Variants in SEMA6A observed in about 807,000 individuals in gnomAD.
SEMA6A encodes the protein semaphorin-6A.
SEMA6A carries 25 observed loss-of-function variants against 96.8 expected under a neutral mutation model. The observed-to-expected ratio is 0.26, with a 90% CI of 0.19 to 0.36. The LOEUF is 0.36. Ranked by LOEUF, SEMA6A falls within the 10% of genes least tolerant of loss-of-function variation. The pLI is 1.00. For missense variants in SEMA6A, 1,363 were observed against 1,323.1 expected (o/e 1.03, Z -0.47); for synonymous variants, 612 against 518.0 (o/e 1.18, Z -2.46).
chr5:116,494,367 ATTAAT>A (rs1561495379), intron 6 of SEMA6A, among the ~76,000 whole-genome samples: 1 of 149,042 alleles, frequency 6.7e-6, no homozygotes, highest in East Asian at 2.1e-4. Context: ...CTTTACAAAA[ATTAAT>A]TAAACGCCTG....
intron 1 of SEMA6A, among the ~76,000 whole-genome samples, chr5:116,567,161 A>G (rs1403032584): frequency 6.6e-6 from 1 of 152,038 alleles, no homozygotes; most frequent in Non-Finnish European, 1.5e-5. Context: ...TATTTTTTAT[A>G]TATAGTGGTT....
At position 116,573,086 on chromosome 5, in the gene SEMA6A, C is replaced by T. The variant is rs114114861; in HGVS notation, c.-39+1099G>A. ...CAGGATCCTGTTTTGCACCATCTCC[C>T]ACAGCGAGGAGCTGAGCAAAACGCG... On this transcript the variant is annotated intron_variant, in intron 1 of 18. Coordinates refer to ENST00000343348, the MANE Select transcript of SEMA6A (RefSeq NM_020796.5). Among the ~76,000 whole-genome samples the T allele has an allele frequency of 7.6e-3, 1,161 of 152,220 alleles. 20 individuals are homozygous for T. The highest frequency in any genetic ancestry group is 0.027 in the African/African-American group (1,107 of 41,518).
intron 10 of SEMA6A, among the ~76,000 whole-genome samples, chr5:116,485,084 G>C (rs1195109149): frequency 6.6e-6 from 1 of 152,198 alleles, no homozygotes; most frequent in Admixed American, 6.5e-5. Flanking sequence ...ATAATTTATA[G>C]ATGACAATGG....
chr5:116,542,861 G>C (rs1325464237), intron 1 of SEMA6A, among the ~76,000 whole-genome samples: 1 of 152,118 alleles, frequency 6.6e-6, no homozygotes. Context: ...CCCCGGCCTG[G>C]CAATCACTTC....
At position 116,486,793 on chromosome 5, in the gene SEMA6A, G is replaced by A. The variant is rs201133760; in HGVS notation, c.918C>T (p.Asn306=). Residue 306 remains asparagine (N), a synonymous_variant, in exon 10 of 19, where the codon AAC becomes AAT. Coordinates refer to ENST00000343348, the MANE Select transcript of SEMA6A (RefSeq NM_020796.5). ...LQAVTDVIRI[N]GRDVVLATFS... is the part of the protein sequence containing the mutation. ...ACGTTGCCAGGACAACATCACGCCC[G>A]TTGATACGAATCACATCTGTAACTG... 2.2e-4 allele frequency: 355 copies of A among 1,613,808 alleles called. No homozygotes were observed. The highest frequency in any genetic ancestry group is 1.8e-3 in the Admixed American group (108 of 60,002).
chr5:116,486,935 T>G lies in SEMA6A; in HGVS notation c.776A>C (p.Lys259Thr). 1 of 1,613,778 alleles carries G rather than the reference T, an allele frequency of 6.2e-7. No homozygotes were observed. ...TCTTTGAGATCCTCCCATATCATTC[T>G]TACAAACCTGAGCCACTCTTGGGAA... ...VVFPRVAQVC[K>T]NDMGGSQRVL... is the part of the protein sequence containing the mutation. Residue 259 changes from lysine (K) to threonine (T), a missense_variant, in exon 10 of 19, where the codon AAG (lysine) becomes ACG (threonine). Lys to Thr is a moderately conservative substitution (Grantham distance 78). Coordinates refer to ENST00000343348, the MANE Select transcript of SEMA6A (RefSeq NM_020796.5).
intron 1 of SEMA6A, among the ~76,000 whole-genome samples, chr5:116,523,402 C>A (rs1044286430): frequency 1.2e-4 from 19 of 152,144 alleles, no homozygotes; most frequent in African/African-American, 4.1e-4. Flanking sequence ...CAACCTCCAC[C>A]TCTCGGGTTC....
At chr5:116,514,802 C>T (rs1033788797) in intron 1 of SEMA6A, among the ~76,000 whole-genome samples, 1 of 152,202 alleles carries the variant, frequency 6.6e-6, no homozygotes, top group Non-Finnish European at 1.5e-5. Context: ...TACTGGGAGG[C>T]TCTGTGCTAA....
At chr5:116,448,963 A>G (rs1340382762) in intron 18 of SEMA6A, among the ~76,000 whole-genome samples, 1 of 152,174 alleles carries the variant, frequency 6.6e-6, no homozygotes, top group East Asian at 1.9e-4. Context: ...AATCTCTTCA[A>G]TTTAATAAAA....
chr5:116,553,068 C>G (rs1405477399), intron 1 of SEMA6A, among the ~76,000 whole-genome samples: 1 of 152,108 alleles, frequency 6.6e-6, no homozygotes, highest in African/African-American at 2.4e-5. Context: ...GCTTAGAAAA[C>G]TATAGAGGGA....
At position 116,445,876 on chromosome 5, in the gene SEMA6A, G is replaced by C. The variant is rs987319635; in HGVS notation, c.*737C>G. On this transcript the variant is annotated 3_prime_UTR_variant, in exon 19 of 19. Transcript: ENST00000343348. Reference sequence around the variant, plus strand: ...TGTTCATAGGATGATATTTGGAAGAGTCCTTTCCTTAAGGAAAAAAAGGGT... The same window carrying C: ...TGTTCATAGGATGATATTTGGAAGACTCCTTTCCTTAAGGAAAAAAAGGGT... 1 of 152,642 alleles carries C rather than the reference G, an allele frequency of 6.6e-6. No homozygotes were observed. The highest frequency in any genetic ancestry group is 1.5e-5 in the Non-Finnish European group (1 of 68,032). The allele number at this position is 152,642 out of a possible 1,614,324, so 9.5% of individuals were successfully genotyped here.
chr5:116,569,677 T>C (rs181331643), intron 1 of SEMA6A, among the ~76,000 whole-genome samples: 1 of 152,268 alleles, frequency 6.6e-6, no homozygotes, highest in East Asian at 1.9e-4. Flanking sequence ...CCTGCAGGTA[T>C]TCCAAAGGTG....
In SEMA6A at chr5:116,443,826, C is replaced by G. The variant is rs1561454169; in HGVS notation, c.*2787G>C. The G allele has an allele frequency of 6.6e-6, 1 of 152,574 alleles. No individual in the cohort carries two copies. Among genetic ancestry groups the G allele is most frequent in the Non-Finnish European group, 1.5e-5 (1 of 68,046 alleles). The allele number at this position is 152,574 out of a possible 1,614,324, so 9.5% of individuals were successfully genotyped here. ...CACACTCGGGTTTATGGACCCTCCC[C>G]CCACACACAGTGGGGAAAAAAACTG... On this transcript the variant is annotated 3_prime_UTR_variant, in exon 19 of 19. Transcript: ENST00000343348.
At position 116,447,038 on chromosome 5, in the gene SEMA6A, G is replaced by A. The variant is rs767868238; in HGVS notation, c.2668C>T (p.Pro890Ser). 2.5e-6 allele frequency: 4 copies of A among 1,613,778 alleles called. No individual in the cohort carries two copies. The highest frequency in any genetic ancestry group is 1.1e-5 in the South Asian group (1 of 91,080). Residue 890 changes from proline to serine, a missense_variant, in exon 19 of 19, where the codon CCC becomes TCC. Pro to Ser is a moderately conservative substitution (Grantham distance 74, BLOSUM62 -1). Transcript: ENST00000343348. ...GTCTGAGACAGGGAGGCTCCCGGGG[G>A]ACCCAGGGAGGCCTCCCGCTGTGGA... ...KVPQREASLG[P>S]PGASLSQTGL...
intron 18 of SEMA6A, 31 bp downstream of exon 18, chr5:116,467,552 C>G: frequency 6.3e-7 from 1 of 1,586,768 alleles, no homozygotes; most frequent in Non-Finnish European, 8.6e-7. Context: ...TCCCTCTCCC[C>G]CGAGAGGAAG....
intron 1 of SEMA6A, among the ~76,000 whole-genome samples, chr5:116,511,124 A>G (rs984563711): frequency 2.6e-5 from 4 of 152,158 alleles, no homozygotes; most frequent in Admixed American, 1.3e-4. Context: ...AGATTCCAAA[A>G]TCTGGGGATG....
intron 1 of SEMA6A, among the ~76,000 whole-genome samples, chr5:116,529,355 C>A (rs890935032): frequency 3.9e-5 from 6 of 152,042 alleles, no homozygotes; most frequent in Non-Finnish European, 8.8e-5. Context: ...TAATGAACAA[C>A]AACAACCTAT....
At position 116,458,997 on chromosome 5, in the gene SEMA6A, AAGACGG is replaced by A. The variant is rs530950997; in HGVS notation, c.1894+8580_1894+8585del. On this transcript the variant is annotated intron_variant, in intron 18 of 18. Transcript: ENST00000343348. ...TCATTTTCCTCAGTCCCTCAAAGAA[AAGACGG>A]AGACTACATATAGATTCCTTTTCTC... Among the ~76,000 whole-genome samples, 229 of 152,290 alleles carry A rather than the reference AAGACGG, an allele frequency of 1.5e-3. 1 individual carries two copies. The highest frequency in any genetic ancestry group is 5.2e-3 in the African/African-American group (215 of 41,560).
intron 1 of SEMA6A, among the ~76,000 whole-genome samples, chr5:116,533,759 T>C (rs1207780404): frequency 6.6e-6 from 1 of 152,156 alleles, no homozygotes; most frequent in Non-Finnish European, 1.5e-5. Context: ...AGCCTGGATC[T>C]TTATCAGGGG....
Sources: gnomAD v4.1 joint callset for allele counts (sites outside exome capture counted in the v4.1 genomes callset) on GRCh38, gnomAD v4.1.1 for gene constraint, MANE v1.5 for transcripts, NCBI Gene and HGNC (gene_info 2026-07-23, HGNC 2026-07-21) for gene names.